The following AGBL1 variants were observed in gnomAD, a reference collection of about 807,000 sequenced individuals.
AGBL1 encodes the protein cytosolic carboxypeptidase 4.
In AGBL1, 130 loss-of-function variants were observed where a neutral mutation model predicts 118.9. The observed-to-expected ratio is 1.09, with a 90% confidence interval of 0.95 to 1.26. The LOEUF (loss-of-function observed/expected upper bound fraction) is 1.26. Ranked by LOEUF, AGBL1 falls within the 50% of genes most tolerant of loss-of-function variation. The pLI is 0.00. For synonymous variants in AGBL1, 555 were observed against 478.9 expected, an observed-to-expected ratio of 1.16 and a Z score of -2.08; for missense variants, 1,584 against 1,298.1, an observed-to-expected ratio of 1.22 and a Z score of -3.38.
At chr15:86,916,667 C>T (rs1201525016), downstream of AGBL1, among the ~76,000 whole-genome samples, 1 of 152,148 alleles carries the variant, frequency 6.6e-6, no homozygotes. Context: ...TCCTCTGGGT[C>T]TCAGTTTCTC....
intron 22 of AGBL1, among the ~76,000 whole-genome samples, chr15:86,740,143 C>T (rs1380129634): frequency 2.0e-5 from 3 of 152,222 alleles, no homozygotes; most frequent in Non-Finnish European, 4.4e-5. Context: ...AAGTACATTT[C>T]ATTCACTACA....
chr15:86,701,970 C>T (rs895349004), intron 22 of AGBL1, among the ~76,000 whole-genome samples: 2 of 150,004 alleles, frequency 1.3e-5, no homozygotes, highest in Non-Finnish European at 3.0e-5. Context: ...CCCCTTCTCA[C>T]TTTCTCTCCC....
Position 86,635,557 on chromosome 15 carries a change from C to T in AGBL1, c.2995-38716C>T, listed in dbSNP as rs920846163. Among the ~76,000 whole-genome samples, 33 of 151,758 alleles carry T rather than the reference C, an allele frequency of 2.2e-4. 1 individual carries two copies. The Middle Eastern group carries it at 0.01, about 47-fold the overall frequency. On this transcript the variant is annotated intron_variant, in intron 21 of 22. Transcript: ENST00000614907. ...CAAGTGATATTCCTGCCAGGCTGGA[C>T]GTTTAAGGATCCTGATGTATTTGAG...
At chr15:86,591,577 A>T (rs183748900) in intron 21 of AGBL1, among the ~76,000 whole-genome samples, 1 of 152,298 alleles carries the variant, frequency 6.6e-6, no homozygotes, top group Admixed American at 6.5e-5. Flanking sequence ...ATTATAAAAG[A>T]TATTACAAAG....
intron 22 of AGBL1, among the ~76,000 whole-genome samples, chr15:86,857,115 A>G (rs1028231580): frequency 6.6e-6 from 1 of 152,122 alleles, no homozygotes; most frequent in African/African-American, 2.4e-5. Context: ...TGTACGTTTT[A>G]TGTGCTTAAT....
intron 3 of AGBL1, 144 bp downstream of exon 3, chr15:86,143,989 C>A: frequency 9.4e-7 from 1 of 1,061,842 alleles, no homozygotes; most frequent in Non-Finnish European, 1.3e-6. Flanking sequence ...ATGGCAGGAC[C>A]AGCCCCATAG....
At chr15:86,787,265 C>T (rs1443904726) in intron 22 of AGBL1, among the ~76,000 whole-genome samples, 1 of 151,966 alleles carries the variant, frequency 6.6e-6, no homozygotes, top group Non-Finnish European at 1.5e-5. Flanking sequence ...GTGAGAGCAC[C>T]TAAAATCTAT....
chr15:86,473,853 C>T (rs1191185154), intron 18 of AGBL1, among the ~76,000 whole-genome samples: 1 of 151,954 alleles, frequency 6.6e-6, no homozygotes, highest in African/African-American at 2.4e-5. Context: ...TGGATTGAGC[C>T]TCTGGAAATT....
intron 16 of AGBL1, 139 bp downstream of exon 16, chr15:86,279,922 C>CA: frequency 8.6e-7 from 1 of 1,165,088 alleles, no homozygotes; most frequent in African/African-American, 1.5e-5. Context: ...CTAAAGGAGC[C>CA]AGGTTTTGTT....
In AGBL1 at chr15:86,985,052, T is replaced by C. The variant is rs569463593; in HGVS notation, c.3222-2935T>C. Among the ~76,000 whole-genome samples the C allele has an allele frequency of 3.3e-5, 5 of 152,350 alleles. No homozygotes were observed. In the South Asian group the frequency reaches 8.3e-4, roughly 25 times the overall value. ...ATTCATTCATGGAGATCCATCTATGTGGTTGCATGTTTTAGTAGTATCCTA... is the reference window on the plus strand; with the variant it reads ...ATTCATTCATGGAGATCCATCTATGCGGTTGCATGTTTTAGTAGTATCCTA... On this transcript the variant is annotated intron_variant, in intron 23 of 24. Transcript: ENST00000441037.
chr15:86,799,957 A>G (rs537468468), intron 22 of AGBL1, among the ~76,000 whole-genome samples: 2 of 152,272 alleles, frequency 1.3e-5, no homozygotes, highest in African/African-American at 4.8e-5. Context: ...CAGGTATAAA[A>G]TGCAGCTTAA....
intron 17 of AGBL1, among the ~76,000 whole-genome samples, chr15:86,349,864 ATC>A (rs1161267233): frequency 6.6e-6 from 1 of 152,232 alleles, no homozygotes; most frequent in East Asian, 1.9e-4. Context: ...CAATTTATAT[ATC>A]TTTGGGCAAC....
chr15:86,676,269 C>T (rs192997024), intron 22 of AGBL1, among the ~76,000 whole-genome samples: 1 of 135,740 alleles, frequency 7.4e-6, no homozygotes, highest in East Asian at 2.2e-4. Context: ...ACCTATTTCA[C>T]CCAGACATTT....
At chr15:86,165,023 A>G (rs1468127932) in intron 5 of AGBL1, among the ~76,000 whole-genome samples, 2 of 152,178 alleles carry the variant, frequency 1.3e-5, no homozygotes, top group Non-Finnish European at 2.9e-5. Flanking sequence ...AGGTCATGCT[A>G]TGATTTATCT....
At chr15:86,273,965 C>T (rs1170271072) in intron 15 of AGBL1, among the ~76,000 whole-genome samples, 1 of 152,138 alleles carries the variant, frequency 6.6e-6, no homozygotes, top group East Asian at 1.9e-4. Context: ...TAGGGCCAAT[C>T]GTCATCAAAT....
chr15:86,245,974 C>T (rs1034721662), intron 6 of AGBL1, among the ~76,000 whole-genome samples: 4 of 152,172 alleles, frequency 2.6e-5, no homozygotes, highest in African/African-American at 4.8e-5. Flanking sequence ...CAGCCTCGAA[C>T]TCCTGGGCTC....
chr15:86,472,841 C>A (rs758421890), intron 18 of AGBL1, among the ~76,000 whole-genome samples: 2 of 152,102 alleles, frequency 1.3e-5, no homozygotes, highest in Admixed American at 6.6e-5. Context: ...ATTGCTTGAG[C>A]CCAAAAGGCA....
chr15:86,778,428 C>T (rs762652510), intron 22 of AGBL1, among the ~76,000 whole-genome samples: 66 of 152,230 alleles, frequency 4.3e-4, no homozygotes, highest in African/African-American at 1.3e-3. Flanking sequence ...CGGGAGACTG[C>T]GGCTTATTTC....
intron 18 of AGBL1, among the ~76,000 whole-genome samples, chr15:86,522,530 TGG>T (rs1020387932): frequency 6.6e-6 from 1 of 152,212 alleles, no homozygotes; most frequent in African/African-American, 2.4e-5. Flanking sequence ...ATGTATATAA[TGG>T]GGAACTACAT....
Sources: gnomAD v4.1 joint callset for allele counts (sites outside exome capture counted in the v4.1 genomes callset) on GRCh38, gnomAD v4.1.1 for gene constraint, MANE v1.5 for transcripts, NCBI Gene and HGNC (gene_info 2026-07-23, HGNC 2026-07-21) for gene names.